The following NRDC variants were observed in gnomAD, a reference collection of about 807,000 sequenced individuals.
NRDC encodes nardilysin.
NRDC carries 54 observed loss-of-function variants against 147.1 expected under a neutral mutation model. That is an observed-to-expected ratio of 0.37 (90% CI 0.29 to 0.46). The LOEUF (loss-of-function observed/expected upper bound fraction) is 0.46. Among genes scored for constraint, NRDC ranks in the 20% least tolerant of loss-of-function variants. The pLI is 1.00. For synonymous variants in NRDC, 440 were observed against 482.1 expected, an observed-to-expected ratio of 0.91 and a Z score of 1.14; for missense variants, 1,082 against 1,370.6, an observed-to-expected ratio of 0.79 and a Z score of 3.33.
At chr1:51,816,062 A>G (rs1679954691) in intron 11 of NRDC, 2 of 216,130 alleles carry the variant, frequency 9.3e-6, no homozygotes, top group Non-Finnish European at 1.8e-5. Context: ...TATTAATTTC[A>G]TTTATGATTT....
intron 5 of NRDC, among the ~76,000 whole-genome samples, chr1:51,826,562 C>T (rs1471425889): frequency 6.6e-6 from 1 of 151,970 alleles, no homozygotes; most frequent in African/African-American, 2.4e-5. Context: ...ACTATGCAGG[C>T]AATTATATAT....
At chr1:51,809,083 G>A (rs936275442) in intron 17 of NRDC, among the ~76,000 whole-genome samples, 1 of 152,200 alleles carries the variant, frequency 6.6e-6, no homozygotes, top group Non-Finnish European at 1.5e-5. Context: ...CAAGATCTGT[G>A]TTTAAATCCT....
At chr1:51,837,414 A>G in intron 2 of NRDC, 5 of 1,341,188 alleles carry the variant, frequency 3.7e-6, no homozygotes, top group Non-Finnish European at 3.9e-6. Flanking sequence ...AAACTCAGTT[A>G]AAACATTGGG....
intron 1 of NRDC, among the ~76,000 whole-genome samples, chr1:51,851,738 T>G (rs1213686434): frequency 1.3e-5 from 2 of 152,108 alleles, no homozygotes; most frequent in Non-Finnish European, 2.9e-5. Flanking sequence ...CAAAGGACAC[T>G]TAATAGTGTC....
intron 10 of NRDC, among the ~76,000 whole-genome samples, chr1:51,817,316 CA>C (rs1680016195): frequency 6.6e-6 from 1 of 150,884 alleles, no homozygotes; most frequent in African/African-American, 2.5e-5. Flanking sequence ...CCCCCCCTCC[CA>C]AAAAAGTTAA....
intron 22 of NRDC, chr1:51,795,305 A>G (rs2149186988): frequency 2.2e-6 from 2 of 918,072 alleles, no homozygotes; most frequent in Non-Finnish European, 3.0e-6. Context: ...TAAGGGATAA[A>G]TGGAGGGATT....
At chr1:51,797,799 C>T (rs977725584) in intron 22 of NRDC, among the ~76,000 whole-genome samples, 8 of 152,140 alleles carry the variant, frequency 5.3e-5, no homozygotes, top group Non-Finnish European at 8.8e-5. Flanking sequence ...GAGACAGGGT[C>T]TTACTCTGTT....
chr1:51,817,168 T>C (rs1680006508), intron 10 of NRDC, among the ~76,000 whole-genome samples: 1 of 152,244 alleles, frequency 6.6e-6, no homozygotes, highest in Non-Finnish European at 1.5e-5. Flanking sequence ...AATGTCAAGA[T>C]ATGATTTTCA....
chr1:51,857,671 C>A (rs79110478), intron 1 of NRDC, among the ~76,000 whole-genome samples: 2 of 152,150 alleles, frequency 1.3e-5, no homozygotes, highest in East Asian at 1.9e-4. Flanking sequence ...GAAGTCACAA[C>A]AGAAACTGGA....
intron 8 of NRDC, 131 bp from the exon 9 acceptor site, chr1:51,820,004 G>A (rs1233205463): frequency 4.5e-6 from 3 of 664,472 alleles, no homozygotes; most frequent in Admixed American, 2.9e-5. Flanking sequence ...TTCCAGGCAT[G>A]AACAAATAGA....
intron 5 of NRDC, among the ~76,000 whole-genome samples, chr1:51,827,342 A>G (rs959760813): frequency 6.6e-5 from 10 of 152,218 alleles, no homozygotes; most frequent in African/African-American, 2.4e-4. Flanking sequence ...AGCCAAGCCT[A>G]ACCTATATGA....
At chr1:51,827,733 T>C (rs1261110256) in intron 5 of NRDC, 63 bp downstream of exon 5, 3 of 1,229,646 alleles carry the variant, frequency 2.4e-6, no homozygotes, top group African/African-American at 3.0e-5. Context: ...GAAGGATAAA[T>C]GTAATAAGTA....
intron 24 of NRDC, among the ~76,000 whole-genome samples, chr1:51,793,436 A>G (rs978390248): frequency 6.6e-6 from 1 of 152,204 alleles, no homozygotes; most frequent in African/African-American, 2.4e-5. Flanking sequence ...GGCTCCAGAG[A>G]GAAGCAGGGC....
intron 1 of NRDC, among the ~76,000 whole-genome samples, chr1:51,862,835 C>A (rs1275141468): frequency 2.0e-5 from 3 of 150,040 alleles, no homozygotes; most frequent in Non-Finnish European, 4.4e-5. Context: ...GACAACAAAA[C>A]CCTGTCTCTA....
chr1:51,871,143 C>T (rs1683067164), intron 1 of NRDC, among the ~76,000 whole-genome samples: 1 of 152,090 alleles, frequency 6.6e-6, no homozygotes, highest in South Asian at 2.1e-4. Context: ...ATGATGAAAT[C>T]CCCTCTCTAC....
At chr1:51,866,065 A>G (rs2842578) in intron 1 of NRDC, among the ~76,000 whole-genome samples, 3,093 of 152,138 alleles carry the variant, frequency 0.02, 91 homozygotes, top group African/African-American at 0.071. Context: ...CAAAAAAAAA[A>G]AGAAAAATTT....
At chr1:51,811,473 G>A (rs1372340797) in intron 15 of NRDC, among the ~76,000 whole-genome samples, 4 of 152,128 alleles carry the variant, frequency 2.6e-5, no homozygotes, top group African/African-American at 7.2e-5. Context: ...GTTGACGCGC[G>A]CTAGCCTGTA....
rs368770280 is a variant in NRDC at position 51,849,996 on chromosome 1, T to G, written c.342-9482A>C. On this transcript the variant is annotated intron_variant, in intron 1 of 30. Coordinates refer to ENST00000352171, the MANE Select transcript of NRDC (RefSeq NM_001101662.2). ...GAGTTCATGATCAGCCTGCCCAACA[T>G]GGCGAAACCCTTCGCTACTAAAAAT... is the stretch of plus-strand genomic sequence containing the variant. Among the ~76,000 whole-genome samples, 103 of 150,890 alleles carry G rather than the reference T, an allele frequency of 6.8e-4. 1 individual carries two copies. Among genetic ancestry groups the G allele is most frequent in the African/African-American group, 2.4e-3 (95 of 40,362 alleles).
chr1:51,846,545 T>C (rs935384844), intron 1 of NRDC, among the ~76,000 whole-genome samples: 3 of 152,240 alleles, frequency 2.0e-5, no homozygotes, highest in Admixed American at 6.5e-5. Flanking sequence ...AGCGGCTTGT[T>C]TGGAGTTTGT....
Sources: allele counts gnomAD v4.1 joint callset (sites outside exome capture counted in the v4.1 genomes callset), GRCh38; gene constraint gnomAD v4.1.1; transcripts MANE v1.5; gene names NCBI Gene and HGNC (gene_info 2026-07-23, HGNC 2026-07-21).